Variants in CDH7 observed in about 807,000 individuals in gnomAD.
CDH7 encodes the protein cadherin 7.
A neutral mutation model predicts 71.8 loss-of-function variants in CDH7; 25 were observed. The observed-to-expected ratio is 0.35, with a 90% confidence interval of 0.25 to 0.49. The LOEUF is 0.49. Among genes scored for constraint, CDH7 ranks in the 20% least tolerant of loss-of-function variants. The probability of loss-of-function intolerance (pLI) is 0.99; values close to 1 mark genes in which losing one functional copy is unlikely to be tolerated. For synonymous variants in CDH7, 381 were observed against 363.8 expected (o/e 1.05, Z -0.54); for missense variants, 862 against 974.6 (o/e 0.88, Z 1.54).
rs757353839 is a variant in CDH7 at position 65,762,776 on chromosome 18, C to G, written c.-67C>G. 1.1e-4 allele frequency: 148 copies of G among 1,398,080 alleles called. No individual in the cohort carries two copies. Among genetic ancestry groups the G allele is most frequent in the Non-Finnish European group, 1.4e-4 (141 of 1,020,778 alleles). 86.6% of individuals were successfully genotyped at this position (1,398,080 alleles called of 1,614,324 possible). On this transcript the variant is annotated 5_prime_UTR_variant, in exon 2 of 12. Transcript: ENST00000397968. ...CCGGAGGCAAGAGCTACTAAGCCAA[C>G]TGGAACTGTGCCTTTTCTCTTGTCA...
At chr18:65,794,758 G>T (rs1207369627) in intron 2 of CDH7, among the ~76,000 whole-genome samples, 1 of 152,182 alleles carries the variant, frequency 6.6e-6, no homozygotes, top group Non-Finnish European at 1.5e-5. Flanking sequence ...GGCGGTGTGG[G>T]GGGTGAGAAT....
Position 65,880,821 on chromosome 18 carries a change from T to A in CDH7, c.2285T>A (p.Leu762Gln). 1 of 1,614,042 alleles carries A rather than the reference T, an allele frequency of 6.2e-7. No individual in the cohort carries two copies. The highest frequency in any genetic ancestry group is 1.6e-4 in the Middle Eastern group (1 of 6,062). The change falls in exon 12 of 12, where the codon CTA becomes CAA. Residue 762 changes from leucine (L) to glutamine (Q), a missense_variant. Coordinates refer to ENST00000397968, the MANE Select transcript of CDH7 (RefSeq NM_004361.5). Reference sequence around the variant, plus strand: ...AACTCTGATCAGAACTATGACTACCTAAGTGACTGGGGACCTCGCTTTAAA... The same window carrying A: ...AACTCTGATCAGAACTATGACTACCAAAGTGACTGGGGACCTCGCTTTAAA... ...SSNSDQNYDYLSDWGPRFKRL... is the reference protein window; with the variant it reads ...SSNSDQNYDYQSDWGPRFKRL...
rs1914244466 is a variant in CDH7 at position 65,881,977 on chromosome 18, G to A, written c.*1083G>A. ...TTGTATTTTAGAAAGACTTCAGAGA[G>A]AATTGAGATTTTCTTTGATGCAAGA... On this transcript the variant is annotated 3_prime_UTR_variant, in exon 12 of 12. Coordinates refer to ENST00000397968, the MANE Select transcript of CDH7 (RefSeq NM_004361.5). 1 of 152,160 alleles carries A rather than the reference G, an allele frequency of 6.6e-6. No individual in the cohort carries two copies. The highest frequency in any genetic ancestry group is 1.5e-5 in the Non-Finnish European group (1 of 68,004). 9.4% of individuals were successfully genotyped at this position (152,160 alleles called of 1,614,324 possible).
intron 2 of CDH7, among the ~76,000 whole-genome samples, chr18:65,801,797 G>A (rs1273078617): frequency 6.6e-6 from 1 of 152,160 alleles, no homozygotes; most frequent in Non-Finnish European, 1.5e-5. Flanking sequence ...GATGATACAA[G>A]TGTTGACATT....
rs192745865 is a variant in CDH7 at position 65,823,803 on chromosome 18, A to G, written c.794-841A>G. 1.5e-4 allele frequency among the ~76,000 whole-genome samples: 23 copies of G among 151,536 alleles called. No individual in the cohort carries two copies. The East Asian group carries it at 3.9e-3, about 25-fold the overall frequency. On this transcript the variant is annotated intron_variant, in intron 5 of 11. Coordinates refer to ENST00000397968, the MANE Select transcript of CDH7 (RefSeq NM_004361.5). Reference sequence around the variant, plus strand: ...CACAAGACAGGACAAATGCACCACAATTTAACAACCAAAGGAAACAGAAGT... The same window carrying G: ...CACAAGACAGGACAAATGCACCACAGTTTAACAACCAAAGGAAACAGAAGT...
At chr18:65,804,973 A>AT (rs898495745) in intron 2 of CDH7, among the ~76,000 whole-genome samples, 5 of 151,292 alleles carry the variant, frequency 3.3e-5, no homozygotes, top group Admixed American at 6.6e-5. Context: ...GTTTTGTTTT[A>AT]TTTTTTTTTC....
At chr18:65,821,099 A>T (rs187562254) in intron 4 of CDH7, among the ~76,000 whole-genome samples, 3 of 150,382 alleles carry the variant, frequency 2.0e-5, no homozygotes, top group Admixed American at 1.3e-4. Flanking sequence ...AGAAATAAAG[A>T]TAATTAACAG....
chr18:65,750,807 T>A (rs1915844269), upstream of CDH7: 1 of 152,246 alleles, frequency 6.6e-6, no homozygotes, highest in Non-Finnish European at 1.5e-5. Flanking sequence ...CCTCTCGCCC[T>A]CTCTCTGGCC....
chr18:65,853,906 CATATATAT>C (rs4047846), intron 7 of CDH7, among the ~76,000 whole-genome samples: 975 of 33,908 alleles, frequency 0.029, 11 homozygotes, highest in East Asian at 0.051. Flanking sequence ...CATAAATTAC[CATATATAT>C]ATATATATAT....
chr18:65,886,986 C>T lies in CDH7; in HGVS notation c.*6092C>T, dbSNP rs1028177433. The T allele has an allele frequency of 2.6e-5, 4 of 152,216 alleles. No homozygotes were observed. The highest frequency in any genetic ancestry group is 5.9e-5 in the Non-Finnish European group (4 of 67,990). 9.4% of individuals were successfully genotyped at this position (152,216 alleles called of 1,614,324 possible). A position where few individuals can be genotyped will look rare whatever the true frequency, so the allele number is the denominator to read the frequency against. Reference sequence around the variant, plus strand: ...CTTAGTTATCTGGTTATTTTATGCTCATGTGAACAGACACTAGAAACAAAT... The same window carrying T: ...CTTAGTTATCTGGTTATTTTATGCTTATGTGAACAGACACTAGAAACAAAT... On this transcript the variant is annotated 3_prime_UTR_variant, in exon 12 of 12. Transcript: ENST00000397968.
Position 65,762,889 on chromosome 18 carries a change from C to T in CDH7, c.47C>T (p.Ala16Val). The change falls in exon 2 of 12, where the codon GCT (alanine) becomes GTT (valine). Residue 16 changes from alanine to valine, a missense_variant. Ala to Val is a moderately conservative substitution (Grantham distance 64, BLOSUM62 0). Coordinates refer to ENST00000397968, the MANE Select transcript of CDH7 (RefSeq NM_004361.5). ...VEFCHFLQLIALFLCFSGMSQ... is the reference protein window; with the variant it reads ...VEFCHFLQLIVLFLCFSGMSQ... ...TTCTGCCATTTTCTGCAGCTAATAGCTCTTTTCCTGTGTTTTTCTGGGATG... is the reference window on the plus strand; with the variant it reads ...TTCTGCCATTTTCTGCAGCTAATAGTTCTTTTCCTGTGTTTTTCTGGGATG... 1 of 1,613,326 alleles carries T rather than the reference C, an allele frequency of 6.2e-7. No individual in the cohort carries two copies. Among genetic ancestry groups the T allele is most frequent in the Non-Finnish European group, 8.5e-7 (1 of 1,179,722 alleles).
intron 2 of CDH7, among the ~76,000 whole-genome samples, chr18:65,796,683 G>A (rs1002807783): frequency 1.3e-5 from 2 of 152,066 alleles, no homozygotes; most frequent in Middle Eastern, 3.2e-3. Flanking sequence ...ACATCAGAGC[G>A]ACACAAGGGC....
intron 1 of CDH7, among the ~76,000 whole-genome samples, chr18:65,759,052 C>G (rs995325835): frequency 6.6e-6 from 1 of 152,120 alleles, no homozygotes; most frequent in Non-Finnish European, 1.5e-5. Flanking sequence ...TTCTGTAACT[C>G]CCTTCTTTGA....
intron 4 of CDH7, 108 bp from the exon 5 acceptor site, chr18:65,821,973 C>A: frequency 2.5e-6 from 2 of 796,782 alleles, no homozygotes; most frequent in Non-Finnish European, 4.2e-6. Flanking sequence ...GTAAACAAAA[C>A]AACAAAAGGC....
intron 2 of CDH7, among the ~76,000 whole-genome samples, chr18:65,794,566 C>A (rs1249172419): frequency 1.4e-5 from 2 of 147,930 alleles, no homozygotes; most frequent in African/African-American, 2.5e-5. Flanking sequence ...AGTTGGGGGT[C>A]GGGAGCAAGG....
At chr18:65,776,932 A>G (rs1230550284) in intron 2 of CDH7, among the ~76,000 whole-genome samples, 2 of 152,204 alleles carry the variant, frequency 1.3e-5, no homozygotes, top group South Asian at 2.1e-4. Context: ...ATAAACAGGC[A>G]TTTTTATACC....
intron 2 of CDH7, among the ~76,000 whole-genome samples, chr18:65,794,945 G>T (rs151081951): frequency 1.3e-5 from 2 of 152,156 alleles, no homozygotes; most frequent in East Asian, 1.9e-4. Flanking sequence ...TGTCTGACAC[G>T]TAATTATGCT....
At chr18:65,790,449 A>G (rs148126048) in intron 2 of CDH7, among the ~76,000 whole-genome samples, 254 of 152,182 alleles carry the variant, frequency 1.7e-3, no homozygotes, top group African/African-American at 5.9e-3. Flanking sequence ...AGTACTCTAC[A>G]ATACACTGAT....
At position 65,881,072 on chromosome 18, in the gene CDH7, T is replaced by A. The variant is rs1914216492; in HGVS notation, c.*178T>A. On this transcript the variant is annotated 3_prime_UTR_variant, in exon 12 of 12. Transcript: ENST00000397968. ...TAGATTTCTGCCTTGGTGAGGCATA[T>A]CTTCATTAGACTTATCTAAAGGACT... 3 of 625,244 alleles carry A rather than the reference T, an allele frequency of 4.8e-6. No individual in the cohort carries two copies. Among genetic ancestry groups the A allele is most frequent in the Non-Finnish European group, 7.9e-6 (3 of 380,614 alleles). The allele number at this position is 625,244 out of a possible 1,614,324, so 38.7% of individuals were successfully genotyped here.
Sources: allele counts gnomAD v4.1 joint callset (sites outside exome capture counted in the v4.1 genomes callset), GRCh38; gene constraint gnomAD v4.1.1; transcripts MANE v1.5; gene names NCBI Gene and HGNC (gene_info 2026-07-23, HGNC 2026-07-21).